The following ASXL3 variants were observed in gnomAD, a reference collection of about 807,000 sequenced individuals.
ASXL3 encodes ASXL transcriptional regulator 3.
A neutral mutation model predicts 170.6 loss-of-function variants in ASXL3; 34 were observed. That is an observed-to-expected ratio of 0.20 (90% CI 0.15 to 0.27). ASXL3 has a LOEUF of 0.27. Among genes scored for constraint, ASXL3 ranks in the 10% least tolerant of loss-of-function variants. The probability of loss-of-function intolerance (pLI) is 1.00; values close to 1 mark genes in which losing one functional copy is unlikely to be tolerated. For synonymous variants in ASXL3, 1,002 were observed against 989.1 expected (o/e 1.01, Z -0.24); for missense variants, 2,592 against 2,695.3 (o/e 0.96, Z 0.85).
At chr18:33,657,688 C>T (rs2066104839) in intron 4 of ASXL3, among the ~76,000 whole-genome samples, 1 of 152,084 alleles carries the variant, frequency 6.6e-6, no homozygotes. Context: ...TCATGGTTAC[C>T]TATAATCTCC....
chr18:33,606,054 G>A (rs997775020), intron 1 of ASXL3, among the ~76,000 whole-genome samples: 4 of 151,868 alleles, frequency 2.6e-5, no homozygotes, highest in Non-Finnish European at 5.9e-5. Flanking sequence ...TCAGCTTTTT[G>A]TTTTCATATC....
intron 2 of ASXL3, among the ~76,000 whole-genome samples, chr18:33,642,647 T>C (rs1352764708): frequency 6.6e-6 from 1 of 152,074 alleles, no homozygotes; most frequent in East Asian, 1.9e-4. Flanking sequence ...AATTTTTCCG[T>C]AGTAAATCTT....
At chr18:33,609,436 T>A (rs1475476746) in intron 2 of ASXL3, among the ~76,000 whole-genome samples, 1 of 152,004 alleles carries the variant, frequency 6.6e-6, no homozygotes, top group Non-Finnish European at 1.5e-5. Flanking sequence ...GTTATGAAGC[T>A]AGAGATATAA....
At chr18:33,587,634 T>C (rs1057486631) in intron 1 of ASXL3, among the ~76,000 whole-genome samples, 4 of 152,126 alleles carry the variant, frequency 2.6e-5, no homozygotes, top group African/African-American at 9.7e-5. Context: ...ACATATCTTC[T>C]CCCTGTCATT....
chr18:33,605,087 G>C (rs1432389096), intron 1 of ASXL3, among the ~76,000 whole-genome samples: 1 of 151,986 alleles, frequency 6.6e-6, no homozygotes, highest in Non-Finnish European at 1.5e-5. Context: ...AAATAAAACA[G>C]ATCTCCCACC....
chr18:33,741,855 A>T (rs1450351162), intron 11 of ASXL3, among the ~76,000 whole-genome samples: 2 of 151,660 alleles, frequency 1.3e-5, no homozygotes, highest in Non-Finnish European at 2.9e-5. Flanking sequence ...GAAATGAGGG[A>T]TGTCAACTAG....
intron 8 of ASXL3, among the ~76,000 whole-genome samples, chr18:33,712,994 C>T (rs1000056869): frequency 6.6e-6 from 1 of 152,056 alleles, no homozygotes. Flanking sequence ...CATCCACGTT[C>T]TAGCTAAATG....
At chr18:33,610,657 C>T (rs1054466493) in intron 2 of ASXL3, among the ~76,000 whole-genome samples, 2 of 152,028 alleles carry the variant, frequency 1.3e-5, no homozygotes, top group Non-Finnish European at 2.9e-5. Context: ...CCTAACACTC[C>T]TGGCTCTCGG....
intron 7 of ASXL3, among the ~76,000 whole-genome samples, chr18:33,672,229 C>T (rs1447024824): frequency 6.6e-6 from 1 of 152,080 alleles, no homozygotes; most frequent in Non-Finnish European, 1.5e-5. Flanking sequence ...GAAAAAAATG[C>T]AGTCTTTATA....
chr18:33,663,025 C>T (rs2066200989), intron 5 of ASXL3, among the ~76,000 whole-genome samples: 1 of 152,146 alleles, frequency 6.6e-6, no homozygotes, highest in South Asian at 2.1e-4. Context: ...AAGGTAGTAA[C>T]AGTATTTCAC....
At chr18:33,706,936 A>T (rs1472722251) in intron 8 of ASXL3, among the ~76,000 whole-genome samples, 1 of 151,866 alleles carries the variant, frequency 6.6e-6, no homozygotes, top group African/African-American at 2.4e-5. Flanking sequence ...TGAGTATGAC[A>T]TGAGATAGAG....
At chr18:33,588,674 T>C (rs1262974910) in intron 1 of ASXL3, among the ~76,000 whole-genome samples, 1 of 152,174 alleles carries the variant, frequency 6.6e-6, no homozygotes, top group Non-Finnish European at 1.5e-5. Context: ...ATTGGCAGAC[T>C]CTAGGTCCCA....
intron 4 of ASXL3, among the ~76,000 whole-genome samples, chr18:33,658,985 T>C (rs1391255782): frequency 3.3e-5 from 5 of 152,126 alleles, no homozygotes; most frequent in Non-Finnish European, 7.4e-5. Flanking sequence ...TGTCAATCAC[T>C]ATCAACATAG....
At chr18:33,648,398 G>A (rs1043918566) in intron 4 of ASXL3, among the ~76,000 whole-genome samples, 1 of 152,066 alleles carries the variant, frequency 6.6e-6, no homozygotes, top group Admixed American at 6.6e-5. Context: ...AGGAGTTGGG[G>A]ATAACTCCAG....
At chr18:33,685,629 A>T (rs1380168401) in intron 8 of ASXL3, among the ~76,000 whole-genome samples, 4 of 152,222 alleles carry the variant, frequency 2.6e-5, no homozygotes, top group African/African-American at 9.6e-5. Context: ...TTATGAAGAA[A>T]AGAGATTTAT....
chr18:33,682,939 G>T (rs1023771491), intron 7 of ASXL3, among the ~76,000 whole-genome samples: 3 of 152,154 alleles, frequency 2.0e-5, no homozygotes, highest in African/African-American at 7.2e-5. Context: ...AGTGCTTAGT[G>T]CACTGCCTGA....
chr18:33,733,917 A>G (rs1365210084), intron 9 of ASXL3, among the ~76,000 whole-genome samples: 1 of 152,096 alleles, frequency 6.6e-6, no homozygotes, highest in African/African-American at 2.4e-5. Flanking sequence ...CACTACATTT[A>G]TTATTATGGC....
chr18:33,668,289 G>A (rs1199782479), intron 5 of ASXL3, among the ~76,000 whole-genome samples: 1 of 152,020 alleles, frequency 6.6e-6, no homozygotes, highest in Non-Finnish European at 1.5e-5. Flanking sequence ...TTAGCCAGGG[G>A]TGGTGGTGCA....
At chr18:33,633,456 ATTT>A (rs1299290234) in intron 2 of ASXL3, among the ~76,000 whole-genome samples, 1 of 152,192 alleles carries the variant, frequency 6.6e-6, no homozygotes, top group Non-Finnish European at 1.5e-5. Context: ...ACTAATTTGC[ATTT>A]TTGATATGTT....
Sources: allele counts gnomAD v4.1 joint callset (sites outside exome capture counted in the v4.1 genomes callset), GRCh38; gene constraint gnomAD v4.1.1; transcripts MANE v1.5; gene names NCBI Gene and HGNC (gene_info 2026-07-23, HGNC 2026-07-21).